The following FAF1 variants were observed in gnomAD, a reference collection of about 807,000 sequenced individuals.
FAF1 encodes the protein Fas associated factor 1, also known as FAS-associated factor 1.
FAF1 carries 25 observed loss-of-function variants against 92.5 expected under a neutral mutation model. The observed-to-expected ratio is 0.27, with a 90% CI of 0.20 to 0.38. The LOEUF (loss-of-function observed/expected upper bound fraction) is 0.38. Ranked by LOEUF, FAF1 falls within the 10% of genes least tolerant of loss-of-function variation. The pLI, the probability that FAF1 is intolerant of heterozygous loss-of-function variation, is 1.00. For synonymous variants in FAF1, 234 were observed against 273.2 expected (o/e 0.86, Z 1.42); for missense variants, 636 against 793.3 (o/e 0.80, Z 2.38).
chr1:50,795,072 G>A (rs974704441), intron 3 of FAF1, among the ~76,000 whole-genome samples: 1 of 152,118 alleles, frequency 6.6e-6, no homozygotes, highest in Non-Finnish European at 1.5e-5. Flanking sequence ...ATGCATTAAT[G>A]TACAATGTGG....
At chr1:50,633,992 G>C (rs1177301359) in intron 8 of FAF1, among the ~76,000 whole-genome samples, 2 of 152,158 alleles carry the variant, frequency 1.3e-5, no homozygotes, top group Admixed American at 1.3e-4. Flanking sequence ...ATTGGCTCTG[G>C]GAACAATCAG....
intron 15 of FAF1, among the ~76,000 whole-genome samples, chr1:50,524,652 C>A (rs1012173312): frequency 1.3e-5 from 2 of 152,102 alleles, no homozygotes; most frequent in African/African-American, 4.8e-5. Flanking sequence ...GTCCTTAACC[C>A]ATTGCTTGTT....
Position 50,552,297 on chromosome 1 carries a change from C to T in FAF1, c.1269-12569G>A, listed in dbSNP as rs867052943. Among the ~76,000 whole-genome samples, 5 of 84,960 alleles carry T rather than the reference C, an allele frequency of 5.9e-5. No individual in the cohort carries two copies. In the Admixed American group the frequency reaches 6.6e-4, roughly 11 times the overall value. 55.7% of individuals were successfully genotyped at this position (84,960 alleles called of 152,430 possible). ...GGGCAACAGAGTGAGACTCTGTTTCCAAAAAAAAAAAAAAAAACTTCAGCT... is the reference window on the plus strand; with the variant it reads ...GGGCAACAGAGTGAGACTCTGTTTCTAAAAAAAAAAAAAAAAACTTCAGCT... On this transcript the variant is annotated intron_variant, in intron 13 of 18. Transcript: ENST00000396153.
intron 1 of FAF1, among the ~76,000 whole-genome samples, chr1:50,881,695 G>A (rs1034124293): frequency 6.6e-6 from 1 of 151,846 alleles, no homozygotes; most frequent in African/African-American, 2.4e-5. Context: ...TTTCCATATA[G>A]CAAAAAAAAC....
chr1:50,906,052 T>C lies in FAF1; in HGVS notation c.46-48055A>G, dbSNP rs11205789. Reference sequence around the variant, plus strand: ...CTTTAATCCACCTTGAATTAATTTTTGTATAAGGTGTAAGGAAGGGATCCA... The same window carrying C: ...CTTTAATCCACCTTGAATTAATTTTCGTATAAGGTGTAAGGAAGGGATCCA... On this transcript the variant is annotated intron_variant, in intron 1 of 18. Transcript: ENST00000396153. 9.9e-3 allele frequency among the ~76,000 whole-genome samples: 1,510 copies of C among 152,320 alleles called. 22 individuals are homozygous for C. Among genetic ancestry groups the C allele is most frequent in the African/African-American group, 0.034 (1,432 of 41,556 alleles).
At chr1:50,695,132 G>A (rs1027188157) in intron 7 of FAF1, among the ~76,000 whole-genome samples, 1 of 152,042 alleles carries the variant, frequency 6.6e-6, no homozygotes, top group African/African-American at 2.4e-5. Flanking sequence ...TGTTGGTTGG[G>A]CACGGTGGCT....
At chr1:50,451,863 T>C in intron 18 of FAF1, 2 of 1,034,724 alleles carry the variant, frequency 1.9e-6, no homozygotes, top group African/African-American at 3.4e-5. Context: ...ATGGACTGTT[T>C]AGTGAAGACA....
At position 50,857,996 on chromosome 1, in the gene FAF1, G is replaced by C; in HGVS notation, c.47C>G (p.Ala16Gly). ...GTCAATGTTTTCAATGCCAGTACAT[G>C]CCTGGAAAGAAAGTAAATAAGCATT... ...DREMILADFQ[A>G]CTGIENIDEA... Residue 16 changes from alanine (A) to glycine (G), a missense_variant and splice_region_variant, in exon 2 of 19, where the codon GCA becomes GGA. Physicochemically the swap from Ala to Gly is moderately conservative, Grantham distance 60. Transcript: ENST00000396153. The C allele has an allele frequency of 6.3e-7, 1 of 1,584,986 alleles. No individual in the cohort carries two copies. Among genetic ancestry groups the C allele is most frequent in the Admixed American group, 1.8e-5 (1 of 55,400 alleles).
intron 18 of FAF1, among the ~76,000 whole-genome samples, chr1:50,447,737 G>T (rs971868804): frequency 1.3e-5 from 2 of 152,190 alleles, no homozygotes; most frequent in Admixed American, 6.5e-5. Flanking sequence ...GGACAAGCAG[G>T]TCTAATCCTC....
At chr1:50,663,687 G>A (rs1418687487) in intron 7 of FAF1, among the ~76,000 whole-genome samples, 6 of 151,568 alleles carry the variant, frequency 4.0e-5, no homozygotes, top group Non-Finnish European at 2.9e-5. Flanking sequence ...ACTGGCGTGA[G>A]CCACCGCGCC....
At chr1:50,658,040 T>G (rs1467598046) in intron 7 of FAF1, among the ~76,000 whole-genome samples, 1 of 152,204 alleles carries the variant, frequency 6.6e-6, no homozygotes, top group Non-Finnish European at 1.5e-5. Flanking sequence ...TCTAACCACT[T>G]TCACTAGCTG....
chr1:50,884,651 T>C (rs1316980256), intron 1 of FAF1, among the ~76,000 whole-genome samples: 1 of 152,152 alleles, frequency 6.6e-6, no homozygotes, highest in Non-Finnish European at 1.5e-5. Flanking sequence ...TGTTGTTGAA[T>C]TTTGTTTGCT....
chr1:50,575,500 T>G (rs924568275), intron 12 of FAF1, among the ~76,000 whole-genome samples: 1 of 152,204 alleles, frequency 6.6e-6, no homozygotes, highest in African/African-American at 2.4e-5. Flanking sequence ...TAATAAATAG[T>G]GGTTATTTTC....
intron 1 of FAF1, among the ~76,000 whole-genome samples, chr1:50,874,930 C>A (rs186469174): frequency 4.4e-4 from 66 of 151,716 alleles, no homozygotes; most frequent in Middle Eastern, 3.4e-3. Context: ...CCACCATGCC[C>A]AGCTAATCTT....
At chr1:50,686,959 G>A (rs1656691021) in intron 7 of FAF1, among the ~76,000 whole-genome samples, 1 of 152,008 alleles carries the variant, frequency 6.6e-6, no homozygotes, top group African/African-American at 2.4e-5. Flanking sequence ...TTCCTGAGTA[G>A]CCAGGATTAC....
chr1:50,822,771 TTTC>T (rs200713916), intron 2 of FAF1, among the ~76,000 whole-genome samples: 1,565 of 145,674 alleles, frequency 0.011, 16 homozygotes, highest in African/African-American at 0.03. Context: ...TCTTTCTTTC[TTTC>T]TTTTTTTTTT....
chr1:50,869,936 G>A (rs1019932801), intron 1 of FAF1, among the ~76,000 whole-genome samples: 14 of 152,156 alleles, frequency 9.2e-5, no homozygotes, highest in East Asian at 3.9e-4. Flanking sequence ...GGTATATAAC[G>A]TCTAACAACT....
chr1:50,809,095 T>A (rs1263764341), intron 2 of FAF1, among the ~76,000 whole-genome samples: 1 of 152,008 alleles, frequency 6.6e-6, no homozygotes, highest in Admixed American at 6.6e-5. Context: ...ATACAATATA[T>A]CAGAAACTCT....
intron 7 of FAF1, among the ~76,000 whole-genome samples, chr1:50,662,259 T>C (rs946166267): frequency 3.3e-5 from 5 of 152,230 alleles, no homozygotes; most frequent in Non-Finnish European, 4.4e-5. Context: ...TTGAAGTTGC[T>C]TTCAATCAGG....
Sources: gnomAD v4.1 joint callset for allele counts (sites outside exome capture counted in the v4.1 genomes callset) on GRCh38, gnomAD v4.1.1 for gene constraint, MANE v1.5 for transcripts, NCBI Gene and HGNC (gene_info 2026-07-23, HGNC 2026-07-21) for gene names.